Variants in ZNF385D observed in about 807,000 individuals in gnomAD.
ZNF385D encodes the protein zinc finger protein 385D.
ZNF385D carries 15 observed loss-of-function variants against 35.8 expected under a neutral mutation model. The observed-to-expected ratio is 0.42, with a 90% CI of 0.28 to 0.64. The LOEUF is 0.64. Ranked by LOEUF, ZNF385D falls within the 30% of genes least tolerant of loss-of-function variation. ZNF385D has a pLI of 0.23. For missense variants in ZNF385D, 474 were observed against 494.6 expected (o/e 0.96, Z 0.39); for synonymous variants, 212 against 186.8 (o/e 1.13, Z -1.10).
At chr3:21,826,173 G>A (rs569469339) in intron 3 of ZNF385D, among the ~76,000 whole-genome samples, 5 of 152,300 alleles carry the variant, frequency 3.3e-5, no homozygotes, top group African/African-American at 1.2e-4. Flanking sequence ...ATTTCCAGGA[G>A]CAAACGAAGC....
At chr3:21,442,638 C>G (rs1311429531) in intron 4 of ZNF385D, among the ~76,000 whole-genome samples, 2 of 150,938 alleles carry the variant, frequency 1.3e-5, no homozygotes, top group Non-Finnish European at 2.9e-5. Context: ...TGGCACTGGG[C>G]TGTGCTTAAA....
intron 3 of ZNF385D, among the ~76,000 whole-genome samples, chr3:22,038,327 G>A (rs114986593): frequency 2.0e-5 from 3 of 152,126 alleles, no homozygotes; most frequent in East Asian, 1.9e-4. Flanking sequence ...CCCTGGAGTC[G>A]AATTGCCTAG....
At chr3:21,471,890 ATTAC>A (rs1392373664) in intron 4 of ZNF385D, among the ~76,000 whole-genome samples, 4 of 152,130 alleles carry the variant, frequency 2.6e-5, no homozygotes, top group Non-Finnish European at 4.4e-5. Flanking sequence ...AAACATAATA[ATTAC>A]TTCTTCCCAT....
At chr3:22,172,632 A>C (rs1559426803) in intron 2 of ZNF385D, among the ~76,000 whole-genome samples, 1 of 152,134 alleles carries the variant, frequency 6.6e-6, no homozygotes, top group Non-Finnish European at 1.5e-5. Flanking sequence ...CGTGTAACCT[A>C]ATTAAGAATC....
chr3:21,920,350 G>T (rs1238771093), intron 3 of ZNF385D, among the ~76,000 whole-genome samples: 8 of 152,118 alleles, frequency 5.3e-5, no homozygotes, highest in African/African-American at 2.4e-5. Context: ...ATTAAAAATT[G>T]CTTGCTGTAA....
chr3:22,202,377 A>G (rs1435576186), intron 2 of ZNF385D, among the ~76,000 whole-genome samples: 1 of 152,082 alleles, frequency 6.6e-6, no homozygotes, highest in Non-Finnish European at 1.5e-5. Context: ...CTTTTCAGAG[A>G]GATCACAGAA....
chr3:22,072,735 A>C (rs1448128371), intron 3 of ZNF385D, among the ~76,000 whole-genome samples: 2 of 151,960 alleles, frequency 1.3e-5, no homozygotes, highest in Admixed American at 1.3e-4. Context: ...AAGTCAGACA[A>C]GGAAGAAAAA....
intron 3 of ZNF385D, among the ~76,000 whole-genome samples, chr3:21,778,594 A>AT (rs2071380751): frequency 6.6e-6 from 1 of 151,768 alleles, no homozygotes; most frequent in African/African-American, 2.4e-5. Context: ...AAATATACAC[A>AT]TATATATATA....
chr3:22,057,784 G>T (rs894697637), intron 3 of ZNF385D, among the ~76,000 whole-genome samples: 9 of 152,074 alleles, frequency 5.9e-5, no homozygotes, highest in South Asian at 2.1e-4. Flanking sequence ...AAAGTGCTGG[G>T]ATTACAGGCT....
intron 3 of ZNF385D, among the ~76,000 whole-genome samples, chr3:21,837,381 T>G (rs1261440308): frequency 2.6e-5 from 4 of 152,106 alleles, no homozygotes; most frequent in African/African-American, 9.7e-5. Context: ...TGTTTTCAGC[T>G]GGGAGGTAGA....
intron 4 of ZNF385D, chr3:21,441,690 T>C (rs1701868254): frequency 1.0e-6 from 1 of 985,376 alleles, no homozygotes; most frequent in Non-Finnish European, 1.2e-6. Context: ...ACTAACCTCT[T>C]GTGCAGAATG....
intron 3 of ZNF385D, among the ~76,000 whole-genome samples, chr3:21,945,830 A>G (rs1575979468): frequency 7.4e-6 from 1 of 134,848 alleles, no homozygotes; most frequent in East Asian, 1.9e-4. Context: ...ATGAACTCAT[A>G]TTATGTGTTT....
intron 3 of ZNF385D, among the ~76,000 whole-genome samples, chr3:21,924,354 G>A (rs1700620692): frequency 6.6e-6 from 1 of 152,038 alleles, no homozygotes; most frequent in South Asian, 2.1e-4. Context: ...CCAGACTTAA[G>A]GCTGAAAAAG....
intron 3 of ZNF385D, among the ~76,000 whole-genome samples, chr3:21,944,624 C>T (rs1391064068): frequency 6.6e-6 from 1 of 152,092 alleles, no homozygotes; most frequent in African/African-American, 2.4e-5. Context: ...ATTTTCAAAG[C>T]AGTTCAGCTG....
At chr3:21,635,492 G>C (rs1234097112) in intron 2 of ZNF385D, among the ~76,000 whole-genome samples, 1 of 152,044 alleles carries the variant, frequency 6.6e-6, no homozygotes, top group Non-Finnish European at 1.5e-5. Context: ...AGGTGCCTGG[G>C]ACAGGATTTC....
In ZNF385D at chr3:21,724,616, G is replaced by T. The variant is rs1255555696; in HGVS notation, c.22+26279C>A. On this transcript the variant is annotated intron_variant, in intron 1 of 7. Coordinates refer to ENST00000281523, the MANE Select transcript of ZNF385D (RefSeq NM_024697.3). ...ATTACATAAGGGTAAAGGGATCAAT[G>T]CAACAAGAAGAGCTAACTATACTAA... Among the ~76,000 whole-genome samples, 6 of 150,608 alleles carry T rather than the reference G, an allele frequency of 4.0e-5. No individual in the cohort carries two copies. The East Asian group carries it at 7.8e-4, about 20-fold the overall frequency.
intron 3 of ZNF385D, among the ~76,000 whole-genome samples, chr3:22,028,876 G>T (rs927213054): frequency 3.3e-5 from 5 of 152,098 alleles, no homozygotes; most frequent in Non-Finnish European, 7.4e-5. Context: ...ACTATACTTT[G>T]CAGGGCTGGG....
chr3:21,867,512 A>T (rs1697433942), intron 3 of ZNF385D, among the ~76,000 whole-genome samples: 1 of 152,132 alleles, frequency 6.6e-6, no homozygotes, highest in Admixed American at 6.6e-5. Flanking sequence ...GGAGTGCAGT[A>T]ATCATGAAAA....
chr3:21,586,314 T>C lies in ZNF385D; in HGVS notation c.166-21630A>G, dbSNP rs568160996. Among the ~76,000 whole-genome samples the C allele has an allele frequency of 2.0e-5, 3 of 152,246 alleles. No individual in the cohort carries two copies. In the East Asian group the frequency reaches 5.8e-4, roughly 29 times the overall value. Reference sequence around the variant, plus strand: ...TTACTGTTTTTATCTTGAAAAAGACTACTGGGAAGATTAAATGAAATAATA... The same window carrying C: ...TTACTGTTTTTATCTTGAAAAAGACCACTGGGAAGATTAAATGAAATAATA... On this transcript the variant is annotated intron_variant, in intron 2 of 7. Coordinates refer to ENST00000281523, the MANE Select transcript of ZNF385D (RefSeq NM_024697.3).
Sources: gnomAD v4.1 joint callset for allele counts (sites outside exome capture counted in the v4.1 genomes callset) on GRCh38, gnomAD v4.1.1 for gene constraint, MANE v1.5 for transcripts, NCBI Gene and HGNC (gene_info 2026-07-23, HGNC 2026-07-21) for gene names.